Variants in LTBP1 observed in about 807,000 individuals in gnomAD.
LTBP1 encodes latent-transforming growth factor beta-binding protein 1.
In LTBP1, 129 loss-of-function variants were observed where a neutral mutation model predicts 207.6. That is an observed-to-expected ratio of 0.62 (90% CI 0.54 to 0.72). The LOEUF is 0.72. Ranked by LOEUF, LTBP1 falls within the 30% of genes least tolerant of loss-of-function variation. The probability of loss-of-function intolerance (pLI) is 0.00; values close to 1 mark genes in which losing one functional copy is unlikely to be tolerated. For synonymous variants in LTBP1, 963 were observed against 833.7 expected (o/e 1.16, Z -2.67); for missense variants, 2,281 against 2,217.2 (o/e 1.03, Z -0.58).
chr2:33,007,386 A>G (rs1231055181), intron 2 of LTBP1, among the ~76,000 whole-genome samples: 1 of 152,238 alleles, frequency 6.6e-6, no homozygotes, highest in African/African-American at 2.4e-5. Flanking sequence ...ATTCACCTGA[A>G]GGAATGCTGT....
At chr2:33,069,651 T>A (rs1396910449) in intron 3 of LTBP1, among the ~76,000 whole-genome samples, 3 of 152,228 alleles carry the variant, frequency 2.0e-5, no homozygotes, top group Admixed American at 6.5e-5. Flanking sequence ...GACATCTGCA[T>A]CCAGACCAGT....
At chr2:33,395,286 T>C (rs6731569) in intron 32 of LTBP1, among the ~76,000 whole-genome samples, 20,551 of 152,108 alleles carry the variant, frequency 0.14, 1,504 homozygotes, top group Admixed American at 0.21. Flanking sequence ...CTGATTCAAA[T>C]CCCATGGTTC....
chr2:33,294,258 A>G (rs956383930), intron 20 of LTBP1, among the ~76,000 whole-genome samples: 1 of 151,906 alleles, frequency 6.6e-6, no homozygotes, highest in Admixed American at 6.6e-5. Context: ...GTGCTGTGGC[A>G]TGATCTTGAC....
chr2:33,077,787 T>A (rs2078167423), intron 3 of LTBP1, among the ~76,000 whole-genome samples: 1 of 152,214 alleles, frequency 6.6e-6, no homozygotes, highest in Non-Finnish European at 1.5e-5. Flanking sequence ...AAACATTATA[T>A]TGTTAAAGAA....
At chr2:33,111,255 G>A (rs1038250129) in intron 4 of LTBP1, among the ~76,000 whole-genome samples, 1 of 152,194 alleles carries the variant, frequency 6.6e-6, no homozygotes, top group Admixed American at 6.5e-5. Flanking sequence ...TATTGTATCA[G>A]TGGCCAGCTT....
chr2:33,002,331 CTG>C (rs1457223437), intron 2 of LTBP1, among the ~76,000 whole-genome samples: 1 of 152,184 alleles, frequency 6.6e-6, no homozygotes, highest in Non-Finnish European at 1.5e-5. Flanking sequence ...GAGTGAGCAT[CTG>C]TGAGACGGTG....
chr2:33,052,648 T>C (rs1264581732), intron 3 of LTBP1, among the ~76,000 whole-genome samples: 4 of 152,234 alleles, frequency 2.6e-5, no homozygotes, highest in Non-Finnish European at 5.9e-5. Context: ...CTAAGGGAAA[T>C]TGGTTTATTG....
At chr2:33,160,159 A>G (rs1281131396) in intron 5 of LTBP1, among the ~76,000 whole-genome samples, 1 of 152,196 alleles carries the variant, frequency 6.6e-6, no homozygotes. Context: ...GATAACAGGT[A>G]TGAGCCACCG....
At chr2:33,032,374 T>C (rs1196134835) in intron 3 of LTBP1, among the ~76,000 whole-genome samples, 1 of 152,246 alleles carries the variant, frequency 6.6e-6, no homozygotes, top group African/African-American at 2.4e-5. Context: ...TTATCTTTGT[T>C]GGCTTTATAG....
chr2:33,232,998 C>A (rs2091873828), intron 9 of LTBP1, among the ~76,000 whole-genome samples: 1 of 151,990 alleles, frequency 6.6e-6, no homozygotes, highest in African/African-American at 2.4e-5. Context: ...TCTCCTAATT[C>A]TTTATGTTCT....
intron 3 of LTBP1, among the ~76,000 whole-genome samples, chr2:33,063,893 G>A (rs1026406517): frequency 1.6e-4 from 24 of 148,306 alleles, no homozygotes; most frequent in African/African-American, 5.5e-4. Flanking sequence ...TCGCTCTGTC[G>A]CTCAGGCTAG....
At chr2:33,389,161 C>T in intron 31 of LTBP1, 23 bp from the exon 32 acceptor site, 1 of 1,613,906 alleles carries the variant, frequency 6.2e-7, no homozygotes. Flanking sequence ...GGTGGGGCCT[C>T]ATGCTGCTTG....
At chr2:33,216,234 G>T (rs561553467) in intron 7 of LTBP1, among the ~76,000 whole-genome samples, 1 of 152,320 alleles carries the variant, frequency 6.6e-6, no homozygotes, top group African/African-American at 2.4e-5. Flanking sequence ...TAAAAAGGAG[G>T]GAGGAACTCA....
At chr2:33,144,747 G>T (rs2082884166) in intron 5 of LTBP1, among the ~76,000 whole-genome samples, 1 of 152,148 alleles carries the variant, frequency 6.6e-6, no homozygotes, top group South Asian at 2.1e-4. Context: ...CATATGAGTT[G>T]ATCTCAATTT....
intron 19 of LTBP1, among the ~76,000 whole-genome samples, chr2:33,286,957 G>A (rs1337491017): frequency 1.3e-5 from 2 of 152,212 alleles, no homozygotes; most frequent in African/African-American, 4.8e-5. Context: ...GGAAGAGATA[G>A]CATTAGGAGA....
chr2:32,959,682 G>A (rs1369830672), intron 2 of LTBP1, among the ~76,000 whole-genome samples: 1 of 139,780 alleles, frequency 7.2e-6, no homozygotes, highest in African/African-American at 2.7e-5. Context: ...GTGCAGTGGC[G>A]TGATCTCAGC....
chr2:33,104,556 A>G (rs1340085065), intron 3 of LTBP1, among the ~76,000 whole-genome samples: 2 of 151,970 alleles, frequency 1.3e-5, no homozygotes, highest in Non-Finnish European at 2.9e-5. Context: ...CCTCCTAGAA[A>G]CTTTCTTCCA....
At chr2:33,057,501 G>A (rs928617360) in intron 3 of LTBP1, among the ~76,000 whole-genome samples, 1 of 152,226 alleles carries the variant, frequency 6.6e-6, no homozygotes, top group Non-Finnish European at 1.5e-5. Context: ...GGGAGGCTCA[G>A]GCCGCACAGG....
chr2:33,186,398 A>T (rs139084319), intron 5 of LTBP1, among the ~76,000 whole-genome samples: 4 of 152,290 alleles, frequency 2.6e-5, no homozygotes, highest in Non-Finnish European at 4.4e-5. Context: ...TGTATGCCAG[A>T]CATTTTTCTA....
Sources: gnomAD v4.1 joint callset for allele counts (sites outside exome capture counted in the v4.1 genomes callset) on GRCh38, gnomAD v4.1.1 for gene constraint, MANE v1.5 for transcripts, NCBI Gene and HGNC (gene_info 2026-07-23, HGNC 2026-07-21) for gene names.